Variants in CENPP observed in about 807,000 individuals in gnomAD.
CENPP encodes centromere protein P.
CENPP carries 24 observed loss-of-function variants against 35.6 expected under a neutral mutation model. That is an observed-to-expected ratio of 0.67 (90% CI 0.49 to 0.95). The LOEUF is 0.95. Among genes scored for constraint, CENPP ranks in the 40% least tolerant of loss-of-function variants. The probability of loss-of-function intolerance (pLI) is 0.00; values close to 1 mark genes in which losing one functional copy is unlikely to be tolerated. For synonymous variants in CENPP, 120 were observed against 125.5 expected (o/e 0.96, Z 0.29); for missense variants, 332 against 345.3 (o/e 0.96, Z 0.31).
At chr9:92,432,573 G>A (rs947868243) in intron 5 of CENPP, among the ~76,000 whole-genome samples, 1 of 152,164 alleles carries the variant, frequency 6.6e-6, no homozygotes, top group African/African-American at 2.4e-5. Context: ...GGAGGATTGG[G>A]TATAAAAGCC....
chr9:92,517,460 GT>G lies in CENPP; in HGVS notation c.565-93851del, dbSNP rs1847799184. 4.8e-6 allele frequency: 3 copies of G among 622,852 alleles called. No homozygotes were observed. The South Asian group carries it at 6.1e-5, about 13-fold the overall frequency. The allele number at this position is 622,852 out of a possible 1,614,324, so 38.6% of individuals were successfully genotyped here. ...AAATGTGGAATGTAATCTCATCCAA[GT>G]TTACTGAATCTGATAGAGCTAGAAC... On this transcript the variant is annotated intron_variant, in intron 5 of 7. Transcript: ENST00000375587.
chr9:92,473,454 G>GT (rs1845601052), intron 5 of CENPP, among the ~76,000 whole-genome samples: 2 of 152,120 alleles, frequency 1.3e-5, no homozygotes, highest in African/African-American at 4.8e-5. Context: ...GGTAGGTAAC[G>GT]TTTTTTCTTG....
At chr9:92,584,870 G>A (rs372592319) in intron 5 of CENPP, among the ~76,000 whole-genome samples, 1 of 151,996 alleles carries the variant, frequency 6.6e-6, no homozygotes, top group Non-Finnish European at 1.5e-5. Flanking sequence ...TTCATTTGTA[G>A]GTCATGTACA....
At chr9:92,377,193 A>C (rs148857748) in intron 4 of CENPP, among the ~76,000 whole-genome samples, 4,683 of 152,292 alleles carry the variant, frequency 0.031, 114 homozygotes, top group South Asian at 0.084. Context: ...TTGTTAGAAA[A>C]GAAATGATTT....
At chr9:92,479,908 C>T (rs944875463) in intron 5 of CENPP, among the ~76,000 whole-genome samples, 2 of 152,014 alleles carry the variant, frequency 1.3e-5, no homozygotes, top group Admixed American at 6.6e-5. Flanking sequence ...CAACTGTTTA[C>T]CAATAGGAAA....
intron 5 of CENPP, among the ~76,000 whole-genome samples, chr9:92,398,109 CTG>C (rs1842966150): frequency 1.3e-5 from 2 of 152,298 alleles, no homozygotes; most frequent in Admixed American, 6.5e-5. Context: ...ACTCATAACA[CTG>C]TGCATAACAA....
chr9:92,465,765 T>G (rs1329186639), intron 5 of CENPP, among the ~76,000 whole-genome samples: 1 of 152,058 alleles, frequency 6.6e-6, no homozygotes, highest in East Asian at 1.9e-4. Context: ...ACCTTTAAAT[T>G]AAATAATAAG....
intron 5 of CENPP, among the ~76,000 whole-genome samples, chr9:92,540,663 C>A (rs1036621400): frequency 6.8e-6 from 1 of 146,122 alleles, no homozygotes; most frequent in Non-Finnish European, 1.5e-5. Context: ...CGCAGCTACT[C>A]GGGAGGCTGA....
chr9:92,337,374 G>A (rs1202419148), intron 2 of CENPP, among the ~76,000 whole-genome samples, 167 bp from the exon 3 acceptor site: 2 of 151,504 alleles, frequency 1.3e-5, no homozygotes, highest in Non-Finnish European at 2.9e-5. Context: ...ATTTTGCAAA[G>A]ATAATCAATT....
chr9:92,396,390 C>A (rs1182648815), intron 5 of CENPP, among the ~76,000 whole-genome samples: 2 of 151,094 alleles, frequency 1.3e-5, no homozygotes, highest in African/African-American at 4.9e-5. Context: ...AAAAAAAAAA[C>A]CTATTAGGAT....
At chr9:92,442,294 A>G (rs1468261995) in intron 5 of CENPP, among the ~76,000 whole-genome samples, 1 of 148,568 alleles carries the variant, frequency 6.7e-6, no homozygotes, top group African/African-American at 2.5e-5. Flanking sequence ...GCCACTTGGG[A>G]GGCTGACGCA....
At chr9:92,601,864 C>T (rs182751340) in intron 5 of CENPP, among the ~76,000 whole-genome samples, 1 of 152,246 alleles carries the variant, frequency 6.6e-6, no homozygotes. Context: ...TATGGGTGTG[C>T]ACAGACAGGG....
At position 92,617,254 on chromosome 9, in the gene CENPP, C is replaced by T. The variant is rs1851469629; in HGVS notation, c.*4105C>T. Reference sequence around the variant, plus strand: ...CTGCTCAGTTCTGAGGCCTGAGACCCAAGCTGGGTGCACCTGGGCTGGAAC... The same window carrying T: ...CTGCTCAGTTCTGAGGCCTGAGACCTAAGCTGGGTGCACCTGGGCTGGAAC... On this transcript the variant is annotated 3_prime_UTR_variant, in exon 8 of 8. Coordinates refer to ENST00000375587, the MANE Select transcript of CENPP (RefSeq NM_001012267.3). 1 of 152,200 alleles carries T rather than the reference C, an allele frequency of 6.6e-6. No individual in the cohort carries two copies. The highest frequency in any genetic ancestry group is 6.5e-5 in the Admixed American group (1 of 15,274). 9.4% of individuals were successfully genotyped at this position (152,200 alleles called of 1,614,324 possible). A position where few individuals can be genotyped will look rare whatever the true frequency, so the allele number is the denominator to read the frequency against.
intron 5 of CENPP, among the ~76,000 whole-genome samples, chr9:92,452,437 CA>C (rs1484902166): frequency 2.6e-5 from 4 of 152,162 alleles, no homozygotes; most frequent in Admixed American, 6.5e-5. Context: ...CCTTGCATCC[CA>C]GGGATGAAGC....
At chr9:92,559,280 G>T (rs983292313) in intron 5 of CENPP, among the ~76,000 whole-genome samples, 1 of 152,154 alleles carries the variant, frequency 6.6e-6, no homozygotes, top group Non-Finnish European at 1.5e-5. Context: ...GGGACCCAAC[G>T]AGCTCCCAGG....
chr9:92,500,700 CAG>C, intron 5 of CENPP: 1 of 1,585,178 alleles, frequency 6.3e-7, no homozygotes, highest in Non-Finnish European at 8.6e-7. Context: ...AAAATTTAAA[CAG>C]ATACTTGAAA....
At position 92,415,567 on chromosome 9, in the gene CENPP, G is replaced by T. The variant is rs913335035; in HGVS notation, c.564+35708G>T. ...CTATGTTAGATTTTATATTGTATGG[G>T]ATATAATTCTGTTAATTAAAATATT... On this transcript the variant is annotated intron_variant, in intron 5 of 7. Transcript: ENST00000375587. 37 of 543,202 alleles carry T rather than the reference G, an allele frequency of 6.8e-5. No individual in the cohort carries two copies. The African/African-American group carries it at 6.9e-4, about 10-fold the overall frequency. 33.6% of individuals were successfully genotyped at this position (543,202 alleles called of 1,614,324 possible).
chr9:92,420,075 T>G (rs1843739609), intron 5 of CENPP, among the ~76,000 whole-genome samples: 1 of 152,124 alleles, frequency 6.6e-6, no homozygotes, highest in Non-Finnish European at 1.5e-5. Flanking sequence ...CAGTGATACT[T>G]TCCTTCATTC....
Position 92,519,981 on chromosome 9 carries a change from T to TA in CENPP, c.565-91326dup, listed in dbSNP as rs1211889927. ...ACTCAACTACAGAAAGGCAATGCAATAAAAAAATGGGCAAAACTTGCCCAA... is the reference window on the plus strand; with the variant it reads ...ACTCAACTACAGAAAGGCAATGCAATAAAAAAAATGGGCAAAACTTGCCCAA... On this transcript the variant is annotated intron_variant, in intron 5 of 7. Transcript: ENST00000375587. Among the ~76,000 whole-genome samples, 6 of 146,392 alleles carry TA rather than the reference T, an allele frequency of 4.1e-5. 1 individual carries two copies. Among genetic ancestry groups the TA allele is most frequent in the East Asian group, 1.9e-4 (1 of 5,144 alleles).
Sources: allele counts gnomAD v4.1 joint callset (sites outside exome capture counted in the v4.1 genomes callset), GRCh38; gene constraint gnomAD v4.1.1; transcripts MANE v1.5; gene names NCBI Gene and HGNC (gene_info 2026-07-23, HGNC 2026-07-21).